Variants in NECAB3 observed in about 807,000 individuals in gnomAD.
The protein encoded by NECAB3 is N-terminal EF-hand calcium binding protein 3.
Under a neutral mutation model 57.2 loss-of-function variants are expected in NECAB3, and 38 were observed. The ratio of observed to expected loss-of-function variants is 0.66; its 90% CI spans 0.51 to 0.87. The LOEUF is 0.87. Ranked by LOEUF, NECAB3 falls within the 40% of genes least tolerant of loss-of-function variation. The pLI, the probability that NECAB3 is intolerant of heterozygous loss-of-function variation, is 0.00. For synonymous variants in NECAB3, 223 were observed against 222.6 expected (o/e 1.00, Z -0.02); for missense variants, 474 against 527.5 (o/e 0.90, Z 0.99).
chr20:33,665,998 A>G (rs2017637231), intron 5 of NECAB3, among the ~76,000 whole-genome samples: 1 of 152,196 alleles, frequency 6.6e-6, no homozygotes, highest in South Asian at 2.1e-4. Context: ...CAGGAGAATC[A>G]CTTGAACTCG....
chr20:33,660,184 A>G lies in NECAB3; in HGVS notation c.524+75T>C. 3.2e-6 allele frequency: 5 copies of G among 1,573,310 alleles called. No individual in the cohort carries two copies. Among genetic ancestry groups the G allele is most frequent in the Non-Finnish European group, 4.3e-6 (5 of 1,156,506 alleles). On this transcript the variant is annotated intron_variant, in intron 6 of 11. Coordinates refer to ENST00000246190, the MANE Select transcript of NECAB3 (RefSeq NM_031232.4). The surrounding 1 kb of genome is among the most constrained non-coding windows in gnomAD (Gnocchi z 4.1). ...AAAATGCAGGCTCCAGGATGCTGGGACTGTGGGGATTTGGAATGGGGGTAC... is the reference window on the plus strand; with the variant it reads ...AAAATGCAGGCTCCAGGATGCTGGGGCTGTGGGGATTTGGAATGGGGGTAC...
rs2017438652 is a variant in NECAB3 at position 33,660,515 on chromosome 20, C to G, written c.388-120G>C. On this transcript the variant is annotated intron_variant, in intron 5 of 11. Transcript: ENST00000246190. The surrounding 1 kb of genome is among the most constrained non-coding windows in gnomAD (Gnocchi z 4.1). ...AGTGCCAAGAGCAGGGGCACGCAAACCTGGCACAGGCAGGAGGGTACTGAG... is the reference window on the plus strand; with the variant it reads ...AGTGCCAAGAGCAGGGGCACGCAAAGCTGGCACAGGCAGGAGGGTACTGAG... 3 of 1,344,862 alleles carry G rather than the reference C, an allele frequency of 2.2e-6. No individual in the cohort carries two copies. The highest frequency in any genetic ancestry group is 4.1e-5 in the Admixed American group (2 of 48,662). The allele number at this position is 1,344,862 out of a possible 1,614,324, so 83.3% of individuals were successfully genotyped here.
At chr20:33,665,758 C>T (rs2017627585) in intron 5 of NECAB3, 1 of 152,248 alleles carries the variant, frequency 6.6e-6, no homozygotes, top group Non-Finnish European at 1.5e-5. Context: ...AAGATCAAGA[C>T]TTGCTTAGGA....
Position 33,657,528 on chromosome 20 carries a change from C to A in NECAB3, c.*301G>T, listed in dbSNP as rs1477978671. On this transcript the variant is annotated 3_prime_UTR_variant, in exon 12 of 12. Transcript: ENST00000246190. The stretch of plus-strand genomic sequence containing the variant: ...GAGGCCCACCCAGACAGGGACGGGA[C>A]CTGCCCTGGGTCGCTCAGCCAGGCA... 2.7e-6 allele frequency: 1 copy of A among 365,444 alleles called. No homozygotes were observed. The highest frequency in any genetic ancestry group is 6.2e-5 in the Admixed American group (1 of 16,254). The allele number at this position is 365,444 out of a possible 1,614,324, so 22.6% of individuals were successfully genotyped here. A position where few individuals can be genotyped will look rare whatever the true frequency, so the allele number is the denominator to read the frequency against.
chr20:33,674,079 G>T, intron 1 of NECAB3, 145 bp downstream of exon 1: 1 of 868,324 alleles, frequency 1.2e-6, no homozygotes, highest in Non-Finnish European at 1.5e-6. Context: ...GGTCACACAA[G>T]GGCAGAAAGG....
At chr20:33,665,383 G>A (rs1442796014) in intron 5 of NECAB3, 1 of 152,274 alleles carries the variant, frequency 6.6e-6, no homozygotes, top group East Asian at 1.9e-4. Flanking sequence ...ACTAAGGCAG[G>A]GGAATTGAAC....
At position 33,657,626 on chromosome 20, in the gene NECAB3, AAAC is replaced by A. The variant is rs1176010451; in HGVS notation, c.*200_*202del. 1 of 522,072 alleles carries A rather than the reference AAAC, an allele frequency of 1.9e-6. No individual in the cohort carries two copies. The highest frequency in any genetic ancestry group is 2.0e-5 in the African/African-American group (1 of 51,190). The allele number at this position is 522,072 out of a possible 1,614,324, so 32.3% of individuals were successfully genotyped here. ...AAAGTAGCTTGGAGGCTGAAGTGAC[AAAC>A]AATAAAATACAGGGATAAATAAATC... On this transcript the variant is annotated 3_prime_UTR_variant, in exon 12 of 12. Transcript: ENST00000246190.
At chr20:33,664,212 A>T (rs1462910052) in intron 5 of NECAB3, 1 of 280,234 alleles carries the variant, frequency 3.6e-6, no homozygotes, top group Non-Finnish European at 6.6e-6. Context: ...TGGCCACGCT[A>T]GTGAGAGGGA....
intron 1 of NECAB3, among the ~76,000 whole-genome samples, chr20:33,673,674 G>C (rs545689757): frequency 6.6e-6 from 1 of 152,294 alleles, no homozygotes; most frequent in East Asian, 1.9e-4. Flanking sequence ...TGGGGCATGA[G>C]GGGGCCAGGA....
intron 5 of NECAB3, among the ~76,000 whole-genome samples, chr20:33,661,132 C>T (rs916043295): frequency 1.3e-5 from 2 of 152,210 alleles, no homozygotes; most frequent in Non-Finnish European, 2.9e-5. Context: ...GCTGCAAGAA[C>T]GTCCCAGGAG....
intron 5 of NECAB3, 97 bp downstream of exon 5, chr20:33,669,278 G>T: frequency 1.5e-6 from 2 of 1,302,402 alleles, no homozygotes; most frequent in Non-Finnish European, 1.1e-6. Context: ...CAAGCCCCTA[G>T]CTCTATAACC....
At position 33,659,975 on chromosome 20, in the gene NECAB3, T is replaced by C. The variant is rs1568892607; in HGVS notation, c.553A>G (p.Ser185Gly). 1 of 1,566,970 alleles carries C rather than the reference T, an allele frequency of 6.4e-7. No individual in the cohort carries two copies. Among genetic ancestry groups the C allele is most frequent in the African/African-American group, 1.3e-5 (1 of 74,418 alleles). ...RSDAESVEAQ[S>G]RLCGSRRAGR... ...GCCCGCCGGCTGCCGCAGAGCCTGC[T>C]CTGCGCCTCCACGCTCTCTGCATCT... is the stretch of plus-strand genomic sequence containing the variant. The change falls in exon 7 of 12, where the codon AGC (serine) becomes GGC (glycine). Residue 185 changes from serine (S) to glycine (G), a missense_variant. Coordinates refer to ENST00000246190, the MANE Select transcript of NECAB3 (RefSeq NM_031232.4).
Position 33,660,956 on chromosome 20 carries a change from G to C in NECAB3, c.388-561C>G, listed in dbSNP as rs1247821116. Among the ~76,000 whole-genome samples, 1 of 151,602 alleles carries C rather than the reference G, an allele frequency of 6.6e-6. No homozygotes were observed. Among genetic ancestry groups the C allele is most frequent in the Non-Finnish European group, 1.5e-5 (1 of 68,002 alleles). ...GCACTGACCCCAACCGACACTGCCA[G>C]CCTCCTCCCAGCCCCTCTCAGGGTG... is the stretch of plus-strand genomic sequence containing the variant. On this transcript the variant is annotated intron_variant, in intron 5 of 11. Transcript: ENST00000246190. The surrounding 1 kb of genome is among the most constrained non-coding windows in gnomAD (Gnocchi z 4.1).
rs774903996 is a variant in NECAB3 at position 33,663,716 on chromosome 20, C to G, written c.388-3321G>C. On this transcript the variant is annotated intron_variant, in intron 5 of 11. Transcript: ENST00000246190. ...CTGCTGCTGCTGCGGCGGCAAGAGG[C>G]GCGGCGGCCGGAAGAGGGCGGGGCC... 3.9e-6 allele frequency: 6 copies of G among 1,525,112 alleles called. No individual in the cohort carries two copies. The Admixed American group carries it at 9.8e-5, about 25-fold the overall frequency. The allele number at this position is 1,525,112 out of a possible 1,614,324, so 94.5% of individuals were successfully genotyped here.
chr20:33,660,209 C>T lies in NECAB3; in HGVS notation c.524+50G>A. The T allele has an allele frequency of 6.3e-7, 1 of 1,592,534 alleles. No individual in the cohort carries two copies. Among genetic ancestry groups the T allele is most frequent in the Non-Finnish European group, 8.6e-7 (1 of 1,166,208 alleles). ...ACTGTGGGGATTTGGAATGGGGGTA[C>T]AATGGGCGCTTGTGCACTAGCCCCA... On this transcript the variant is annotated intron_variant, in intron 6 of 11. Coordinates refer to ENST00000246190, the MANE Select transcript of NECAB3 (RefSeq NM_031232.4). The surrounding 1 kb of genome is among the most constrained non-coding windows in gnomAD (Gnocchi z 4.1).
At chr20:33,666,254 C>A (rs2017648839) in intron 5 of NECAB3, among the ~76,000 whole-genome samples, 1 of 152,156 alleles carries the variant, frequency 6.6e-6, no homozygotes, top group African/African-American at 2.4e-5. Context: ...GGCCACACAT[C>A]TGGACAGAGT....
In NECAB3 at chr20:33,674,411, G is replaced by C. The variant is rs1395869931; in HGVS notation, c.-59C>G. 7 of 1,110,388 alleles carry C rather than the reference G, an allele frequency of 6.3e-6. No individual in the cohort carries two copies. Among genetic ancestry groups the C allele is most frequent in the Middle Eastern group, 3.8e-4 (1 of 2,598 alleles). The allele number at this position is 1,110,388 out of a possible 1,614,324, so 68.8% of individuals were successfully genotyped here. On this transcript the variant is annotated 5_prime_UTR_variant, in exon 1 of 12. Transcript: ENST00000246190. ...GCTGCCGACCCTGGACGCCGCGGCG[G>C]ACTCGGTGTGGCTAGAGGCCGCCCC...
At chr20:33,673,225 G>C (rs1413546908) in intron 1 of NECAB3, among the ~76,000 whole-genome samples, 1 of 152,216 alleles carries the variant, frequency 6.6e-6, no homozygotes, top group Non-Finnish European at 1.5e-5. Flanking sequence ...GCAAAGGGGA[G>C]ACTGGCAGGC....
rs1004808667 is a variant in NECAB3, at chr20:33,674,353, G to A, written c.-1C>T. ...CGGTGAGCAGCCCCGCGCACGCCAT[G>A]GCGCCGCCACCCGCTCGGGCTCGGC... is the stretch of plus-strand genomic sequence containing the variant. On this transcript the variant is annotated 5_prime_UTR_variant, in exon 1 of 12. Transcript: ENST00000246190. 1 of 1,189,068 alleles carries A rather than the reference G, an allele frequency of 8.4e-7. No individual in the cohort carries two copies. Among genetic ancestry groups the A allele is most frequent in the Non-Finnish European group, 1.0e-6 (1 of 960,480 alleles). The allele number at this position is 1,189,068 out of a possible 1,614,324, so 73.7% of individuals were successfully genotyped here. A position where few individuals can be genotyped will look rare whatever the true frequency, so the allele number is the denominator to read the frequency against.
Sources: gnomAD v4.1 joint callset for allele counts (sites outside exome capture counted in the v4.1 genomes callset) on GRCh38, gnomAD v4.1.1 for gene constraint, Gnocchi (gnomAD v3.1) non-coding constraint, MANE v1.5 for transcripts, NCBI Gene and HGNC (gene_info 2026-07-23, HGNC 2026-07-21) for gene names.